Variants in DBF4 observed in about 807,000 individuals in gnomAD.
The protein encoded by DBF4 is DBF4-CDC7 kinase regulatory subunit, also known as protein DBF4 homolog A.
DBF4 carries 25 observed loss-of-function variants against 76.6 expected under a neutral mutation model. The observed-to-expected ratio is 0.33, with a 90% CI of 0.24 to 0.46. The LOEUF (loss-of-function observed/expected upper bound fraction) is 0.46, where lower values mean the gene tolerates loss of function less well. Ranked by LOEUF, DBF4 falls within the 20% of genes least tolerant of loss-of-function variation. The pLI is 1.00. For missense variants in DBF4, 638 were observed against 760.8 expected (o/e 0.84, Z 1.90); for synonymous variants, 213 against 258.0 (o/e 0.83, Z 1.67).
chr7:87,900,746 A>G lies in DBF4; in HGVS notation c.810-18A>G, dbSNP rs60252141. The G allele has an allele frequency of 6.7e-4, 1,065 of 1,593,744 alleles. 8 individuals carry two copies. The African/African-American group carries it at 0.012, about 19-fold the overall frequency. On this transcript the variant is annotated intron_variant, in intron 9 of 11. Coordinates refer to ENST00000265728, the MANE Select transcript of DBF4 (RefSeq NM_006716.4). ...TAGGTTCAGCAGTTAATTCTTTACC[A>G]TGTATGTCTGTCATCAGAATCCAAA...
rs371754208 is a variant in DBF4, at chr7:87,886,301, GGT to G, written c.400-541_400-540del. 9.3e-4 allele frequency among the ~76,000 whole-genome samples: 141 copies of G among 152,184 alleles called. 2 individuals carry two copies. In the East Asian group the frequency reaches 0.022, roughly 24 times the overall value. ...TAATCCCAGCACTTTGGGAGGCTGA[GGT>G]GGGTGAATCACGAGGTCAGGAGTTC... On this transcript the variant is annotated intron_variant, in intron 3 of 11. Coordinates refer to ENST00000265728, the MANE Select transcript of DBF4 (RefSeq NM_006716.4).
intron 2 of DBF4, among the ~76,000 whole-genome samples, chr7:87,881,854 G>T (rs1022176058): frequency 2.0e-5 from 3 of 152,208 alleles, no homozygotes; most frequent in Non-Finnish European, 4.4e-5. Context: ...GGAATCAACA[G>T]AGATAAAGTT....
At chr7:87,892,484 A>G (rs1490100481) in intron 6 of DBF4, among the ~76,000 whole-genome samples, 2 of 152,198 alleles carry the variant, frequency 1.3e-5, no homozygotes, top group African/African-American at 2.4e-5. Context: ...CCATTTACCT[A>G]CTAAAGGACA....
At chr7:87,882,338 C>G (rs1839236772) in intron 2 of DBF4, among the ~76,000 whole-genome samples, 2 of 152,198 alleles carry the variant, frequency 1.3e-5, no homozygotes, top group African/African-American at 2.4e-5. Flanking sequence ...CAAAATGGAT[C>G]TAAGATTTAT....
chr7:87,900,555 A>T (rs1381731172), intron 9 of DBF4, among the ~76,000 whole-genome samples: 6 of 151,990 alleles, frequency 3.9e-5, no homozygotes, highest in Non-Finnish European at 8.8e-5. Flanking sequence ...TGTGTAGTTT[A>T]TCTTGAATGA....
Position 87,886,883 on chromosome 7 carries a change from A to G in DBF4, c.439A>G (p.Ile147Val). The change falls in exon 4 of 12, where the codon ATC becomes GTC. Residue 147 changes from isoleucine (I) to valine (V), a missense_variant. Ile to Val is a conservative substitution (Grantham distance 29, BLOSUM62 3). Coordinates refer to ENST00000265728, the MANE Select transcript of DBF4 (RefSeq NM_006716.4). ...SRGKLLVEKA[I>V]KDHDFIPSNS... ...AGGAAAATTATTAGTTGAAAAAGCT[A>G]TCAAGGACCATGTAAGTAGGAACTA... 6.4e-7 allele frequency: 1 copy of G among 1,565,952 alleles called. No homozygotes were observed. The highest frequency in any genetic ancestry group is 8.7e-7 in the Non-Finnish European group (1 of 1,145,498).
chr7:87,876,937 TAAG>T (rs1408267928), intron 1 of DBF4, among the ~76,000 whole-genome samples, 159 bp downstream of exon 1: 2 of 152,174 alleles, frequency 1.3e-5, no homozygotes. Context: ...GTGTTTTGCC[TAAG>T]AAGGAACGGA....
intron 2 of DBF4, among the ~76,000 whole-genome samples, chr7:87,884,508 T>TTAAG (rs1201449579): frequency 6.6e-6 from 1 of 152,202 alleles, no homozygotes; most frequent in Admixed American, 6.5e-5. Flanking sequence ...CTGGGTAACA[T>TTAAG]TAAGCAAGTC....
At chr7:87,877,137 C>CTGCA (rs943454563) in intron 1 of DBF4, among the ~76,000 whole-genome samples, 1 of 152,250 alleles carries the variant, frequency 6.6e-6, no homozygotes, top group African/African-American at 2.4e-5. Flanking sequence ...AGGCGACGGA[C>CTGCA]TGCATCCTCA....
At chr7:87,887,426 A>T in intron 5 of DBF4, 28 bp downstream of exon 5, 2 of 1,539,350 alleles carry the variant, frequency 1.3e-6, no homozygotes, top group Non-Finnish European at 1.8e-6. Context: ...GTTTTTTGAC[A>T]GTATTTGTTT....
chr7:87,896,094 C>T, intron 6 of DBF4: 1 of 185,366 alleles, frequency 5.4e-6, no homozygotes, highest in Non-Finnish European at 1.1e-5. Flanking sequence ...AGTTGATTAT[C>T]CATCTTTAAC....
intron 11 of DBF4, among the ~76,000 whole-genome samples, chr7:87,905,784 A>G (rs1185608570): frequency 1.3e-5 from 2 of 152,208 alleles, no homozygotes; most frequent in Admixed American, 6.5e-5. Context: ...CTTAAATTCC[A>G]TATTTCTGTG....
Position 87,876,674 on chromosome 7 carries a change from C to T in DBF4, c.-59C>T. 1.3e-6 allele frequency: 2 copies of T among 1,598,990 alleles called. No individual in the cohort carries two copies. Among genetic ancestry groups the T allele is most frequent in the Non-Finnish European group, 1.7e-6 (2 of 1,170,386 alleles). On this transcript the variant is annotated 5_prime_UTR_variant, in exon 1 of 12. Transcript: ENST00000265728. ...AACAGGCCGGGGGAAGCCGTGCTTT[C>T]GCGGCTGCCCGGTGCGACACTTTCT...
intron 1 of DBF4, 95 bp downstream of exon 1, chr7:87,876,873 A>C: frequency 7.2e-7 from 1 of 1,398,502 alleles, no homozygotes; most frequent in Non-Finnish European, 1.0e-6. Flanking sequence ...CCGGGTCCTC[A>C]GCTTCTTTTC....
intron 6 of DBF4, 40 bp downstream of exon 6, chr7:87,888,099 G>T: frequency 6.6e-7 from 1 of 1,523,414 alleles, no homozygotes; most frequent in Non-Finnish European, 8.8e-7. Flanking sequence ...ACCAAGCTTG[G>T]TTTTTTTACT....
intron 2 of DBF4, among the ~76,000 whole-genome samples, chr7:87,881,644 C>A (rs1584352550): frequency 6.6e-6 from 1 of 152,106 alleles, no homozygotes; most frequent in South Asian, 2.1e-4. Flanking sequence ...AATTATTCCA[C>A]CACTGTCTCC....
rs765944423 is a variant in DBF4, at chr7:87,887,350, A to G, written c.472A>G (p.Ile158Val). The part of the protein sequence containing the change: ...KDHDFIPSNS[I>V]LSNALSWGVK... ...ACAGGATTTTATTCCTTCAAATAGT[A>G]TATTATCAAATGCCTTGTCATGGGG... Residue 158 changes from isoleucine to valine, a missense_variant, in exon 5 of 12, where the codon ATA (isoleucine) becomes GTA (valine). Transcript: ENST00000265728. 1.2e-5 allele frequency: 19 copies of G among 1,554,730 alleles called. No individual in the cohort carries two copies. The highest frequency in any genetic ancestry group is 1.7e-5 in the Non-Finnish European group (19 of 1,136,466).
intron 3 of DBF4, among the ~76,000 whole-genome samples, chr7:87,886,042 A>G (rs1490415946): frequency 2.6e-5 from 4 of 152,222 alleles, no homozygotes; most frequent in Non-Finnish European, 4.4e-5. Context: ...GAGAAAACAG[A>G]AGAAATGAGT....
intron 11 of DBF4, among the ~76,000 whole-genome samples, chr7:87,904,929 T>C (rs956468264): frequency 3.3e-5 from 5 of 152,198 alleles, no homozygotes; most frequent in African/African-American, 9.6e-5. Context: ...AATTTTCTTT[T>C]TATGTAAAAC....
Sources: gnomAD v4.1 joint callset for allele counts (sites outside exome capture counted in the v4.1 genomes callset) on GRCh38, gnomAD v4.1.1 for gene constraint, MANE v1.5 for transcripts, NCBI Gene and HGNC (gene_info 2026-07-23, HGNC 2026-07-21) for gene names.